The following FAXC variants were observed in gnomAD, a reference collection of about 807,000 sequenced individuals.
FAXC encodes the protein failed axon connections homolog.
A neutral mutation model predicts 41.9 loss-of-function variants in FAXC; 10 were observed. The observed-to-expected ratio is 0.24, with a 90% CI of 0.15 to 0.41. The LOEUF (loss-of-function observed/expected upper bound fraction) is 0.41. Among genes scored for constraint, FAXC ranks in the 10% least tolerant of loss-of-function variants. The pLI is 1.00. For synonymous variants in FAXC, 183 were observed against 183.8 expected, an observed-to-expected ratio of 1.00 and a Z score of 0.03; for missense variants, 399 against 510.9, an observed-to-expected ratio of 0.78 and a Z score of 2.11.
intron 4 of FAXC, among the ~76,000 whole-genome samples, chr6:99,292,691 C>T (rs567030962): frequency 1.3e-5 from 2 of 152,338 alleles, no homozygotes; most frequent in African/African-American, 2.4e-5. Context: ...GGGGATGAAA[C>T]TAAGAGTTTC....
In FAXC at chr6:99,281,140, G is replaced by T. The variant is rs1052395513; in HGVS notation, c.*24C>A. The T allele has an allele frequency of 1.8e-6, 2 of 1,101,338 alleles. No individual in the cohort carries two copies. Among genetic ancestry groups the T allele is most frequent in the Admixed American group, 3.4e-5 (2 of 59,132 alleles). 68.2% of individuals were successfully genotyped at this position (1,101,338 alleles called of 1,614,324 possible). A position where few individuals can be genotyped will look rare whatever the true frequency, so the allele number is the denominator to read the frequency against. The stretch of plus-strand genomic sequence containing the variant: ...GACCCAGGGAGTGGCAGGTCCCAAG[G>T]AAGAGGGTCAGTGAGGCTGGACGTC... On this transcript the variant is annotated 3_prime_UTR_variant, in exon 6 of 6. Transcript: ENST00000389677.
At chr6:99,347,347 A>C (rs998434200) in intron 1 of FAXC, among the ~76,000 whole-genome samples, 23 of 151,608 alleles carry the variant, frequency 1.5e-4, no homozygotes, top group Non-Finnish European at 2.9e-4. Context: ...GGTTGCAATG[A>C]GCTGAGATCG....
In FAXC at chr6:99,273,351, T is replaced by C. The variant is rs1329485106; in HGVS notation, c.*7813A>G. 6.6e-6 allele frequency: 1 copy of C among 152,108 alleles called. No individual in the cohort carries two copies. Among genetic ancestry groups the C allele is most frequent in the African/African-American group, 2.4e-5 (1 of 41,462 alleles). The allele number at this position is 152,108 out of a possible 1,614,324, so 9.4% of individuals were successfully genotyped here. On this transcript the variant is annotated 3_prime_UTR_variant, in exon 6 of 6. Coordinates refer to ENST00000389677, the MANE Select transcript of FAXC (RefSeq NM_032511.4). ...TTATAAACAAATAGAAAAAAAGACATGTAATCAGTGAGATGATGAATTATC... is the reference window on the plus strand; with the variant it reads ...TTATAAACAAATAGAAAAAAAGACACGTAATCAGTGAGATGATGAATTATC...
chr6:99,290,801 C>T (rs1771211123), intron 5 of FAXC, among the ~76,000 whole-genome samples: 1 of 151,444 alleles, frequency 6.6e-6, no homozygotes, highest in Non-Finnish European at 1.5e-5. Flanking sequence ...TTTTTTAGCT[C>T]TACTAGTTTT....
At chr6:99,316,697 A>T (rs1389980225) in intron 4 of FAXC, among the ~76,000 whole-genome samples, 2 of 152,202 alleles carry the variant, frequency 1.3e-5, no homozygotes, top group Non-Finnish European at 2.9e-5. Context: ...ATTTCTGGGT[A>T]AGAGCAACCT....
intron 3 of FAXC, among the ~76,000 whole-genome samples, chr6:99,326,150 T>G (rs729676): frequency 0.015 from 2,324 of 152,272 alleles, 23 homozygotes; most frequent in Admixed American, 0.022. Context: ...AAGCAAAGGT[T>G]AACGGCTGGA....
chr6:99,347,790 C>T (rs1172519902), intron 1 of FAXC, among the ~76,000 whole-genome samples: 1 of 152,222 alleles, frequency 6.6e-6, no homozygotes, highest in African/African-American at 2.4e-5. Context: ...AGCTTGAAAT[C>T]TAACTTGAAA....
Position 99,272,854 on chromosome 6 carries a change from G to T in FAXC, c.*8310C>A, listed in dbSNP as rs1459777151. ...CATTTCAGATTTTCCCCATGAGCCT[G>T]AAGTTTAAACATTCAAATTTGCAAA... is the stretch of plus-strand genomic sequence containing the variant. On this transcript the variant is annotated 3_prime_UTR_variant, in exon 6 of 6. Coordinates refer to ENST00000389677, the MANE Select transcript of FAXC (RefSeq NM_032511.4). 6.6e-6 allele frequency: 1 copy of T among 152,190 alleles called. No individual in the cohort carries two copies. Among genetic ancestry groups the T allele is most frequent in the African/African-American group, 2.4e-5 (1 of 41,444 alleles). 9.4% of individuals were successfully genotyped at this position (152,190 alleles called of 1,614,324 possible).
In FAXC at chr6:99,342,928, A is replaced by C. The variant is rs1389599045; in HGVS notation, c.372T>G (p.Thr124=). ...ACGGTAAGTCAGCCATCCTTAAATAAGTTTCCATCTTTAAACAGAAAGGAG... is the reference window on the plus strand; with the variant it reads ...ACGGTAAGTCAGCCATCCTTAAATACGTTTCCATCTTTAAACAGAAAGGAG... ...SLSPFCLKME[T]YLRMADLPYQ... The change falls in exon 2 of 6, where the codon ACT becomes ACG. Residue 124 remains threonine, a synonymous_variant. Transcript: ENST00000389677. 1 of 1,608,658 alleles carries C rather than the reference A, an allele frequency of 6.2e-7. No individual in the cohort carries two copies. The highest frequency in any genetic ancestry group is 1.3e-5 in the African/African-American group (1 of 74,582).
upstream of FAXC, among the ~76,000 whole-genome samples, chr6:99,349,825 C>T (rs979799853): frequency 1.1e-4 from 16 of 152,042 alleles, no homozygotes; most frequent in African/African-American, 3.6e-4. Context: ...GGCTCCGCGC[C>T]TCCGGGCGGC....
At position 99,349,559 on chromosome 6, in the gene FAXC, G is replaced by A. The variant is rs1012019675; in HGVS notation, c.-187C>T. On this transcript the variant is annotated 5_prime_UTR_variant, in exon 1 of 6. Transcript: ENST00000389677. ...AGGAGGAGGAGGAAGGGCACTGGCC[G>A]CGGACGGCGGGCCTGGCCGGCGGGG... 1.2e-5 allele frequency: 3 copies of A among 243,450 alleles called. No homozygotes were observed. The highest frequency in any genetic ancestry group is 2.0e-5 in the Non-Finnish European group (3 of 151,134). 15.1% of individuals were successfully genotyped at this position (243,450 alleles called of 1,614,324 possible).
chr6:99,286,900 A>T (rs1178430343), intron 5 of FAXC, among the ~76,000 whole-genome samples: 1 of 152,246 alleles, frequency 6.6e-6, no homozygotes, highest in Non-Finnish European at 1.5e-5. Context: ...AAGTACTTTC[A>T]GACTTTGCTC....
At chr6:99,304,488 C>A (rs1269339589) in intron 4 of FAXC, among the ~76,000 whole-genome samples, 2 of 152,022 alleles carry the variant, frequency 1.3e-5, no homozygotes, top group Non-Finnish European at 2.9e-5. Flanking sequence ...ACCTTGGTTG[C>A]CAAAAGCTCA....
intron 3 of FAXC, among the ~76,000 whole-genome samples, chr6:99,324,296 G>A (rs1056465708): frequency 2.6e-5 from 4 of 151,944 alleles, no homozygotes; most frequent in African/African-American, 9.7e-5. Context: ...TATAACTCCT[G>A]GGCTCAAGTG....
intron 3 of FAXC, 100 bp downstream of exon 3, chr6:99,333,251 A>C (rs1021100559): frequency 2.8e-5 from 29 of 1,020,264 alleles, no homozygotes; most frequent in Non-Finnish European, 3.2e-5. Flanking sequence ...CGAAACTGTT[A>C]AGGTAGAAAA....
chr6:99,293,696 G>C (rs558997485), intron 4 of FAXC, among the ~76,000 whole-genome samples: 6,137 of 140,188 alleles, frequency 0.044, 157 homozygotes, highest in Middle Eastern at 0.056. Context: ...GTGTGTGTGT[G>C]TGTGTGTGTG....
Position 99,273,789 on chromosome 6 carries a change from G to C in FAXC, c.*7375C>G, listed in dbSNP as rs994075512. ...TGTCCCATTCTCTAAACTCCATTGA[G>C]GACCAGAAAATATACTTTTAAAATG... On this transcript the variant is annotated 3_prime_UTR_variant, in exon 6 of 6. Coordinates refer to ENST00000389677, the MANE Select transcript of FAXC (RefSeq NM_032511.4). 5.9e-5 allele frequency: 9 copies of C among 151,918 alleles called. No individual in the cohort carries two copies. The highest frequency in any genetic ancestry group is 4.2e-4 in the South Asian group (2 of 4,798). The allele number at this position is 151,918 out of a possible 1,614,324, so 9.4% of individuals were successfully genotyped here. A position where few individuals can be genotyped will look rare whatever the true frequency, so the allele number is the denominator to read the frequency against.
At chr6:99,296,718 G>A (rs1771512938) in intron 4 of FAXC, among the ~76,000 whole-genome samples, 1 of 152,178 alleles carries the variant, frequency 6.6e-6, no homozygotes, top group South Asian at 2.1e-4. Flanking sequence ...TGGTCTTCAA[G>A]TGGCAATCAG....
chr6:99,284,576 T>TGC (rs1770950110), intron 5 of FAXC, among the ~76,000 whole-genome samples: 1 of 125,746 alleles, frequency 8.0e-6, no homozygotes, highest in Non-Finnish European at 1.7e-5. Flanking sequence ...TGTGTGTGTG[T>TGC]GTGTGTGTGT....
Sources: gnomAD v4.1 joint callset for allele counts (sites outside exome capture counted in the v4.1 genomes callset) on GRCh38, gnomAD v4.1.1 for gene constraint, MANE v1.5 for transcripts, NCBI Gene and HGNC (gene_info 2026-07-23, HGNC 2026-07-21) for gene names.